The following DERL2 variants were observed in gnomAD, a reference collection of about 807,000 sequenced individuals.
DERL2 encodes derlin-2.
Under a neutral mutation model 32.0 loss-of-function variants are expected in DERL2, and 13 were observed. That is an observed-to-expected ratio of 0.41 (90% CI 0.26 to 0.65). The LOEUF (loss-of-function observed/expected upper bound fraction) is 0.65, where lower values mean the gene tolerates loss of function less well. Among genes scored for constraint, DERL2 ranks in the 30% least tolerant of loss-of-function variants. DERL2 has a pLI of 0.35. For missense variants in DERL2, 208 were observed against 296.3 expected (o/e 0.70, Z 2.19); for synonymous variants, 111 against 104.7 (o/e 1.06, Z -0.37).
At chr17:5,479,496 TAAAAAAAAAAA>T (rs11306765) in intron 6 of DERL2, among the ~76,000 whole-genome samples, 2,609 of 69,474 alleles carry the variant, frequency 0.038, 85 homozygotes, top group African/African-American at 0.1. Flanking sequence ...AGACTCCATG[TAAAAAAAAAAA>T]AAAAAAAAAA....
In DERL2 at chr17:5,471,683, TC is replaced by T. The variant is rs1905133655; in HGVS notation, c.*3000del. 6.6e-6 allele frequency: 1 copy of T among 152,214 alleles called. No individual in the cohort carries two copies. The highest frequency in any genetic ancestry group is 2.1e-4 in the South Asian group (1 of 4,832). The allele number at this position is 152,214 out of a possible 1,614,324, so 9.4% of individuals were successfully genotyped here. ...ATTTCTGAGCAGAGGAGTGACTTGA[TC>T]ATACAAGATTCAACAATTTTATTGC... On this transcript the variant is annotated 3_prime_UTR_variant, in exon 7 of 7. Transcript: ENST00000158771.
chr17:5,480,787 C>T, intron 4 of DERL2: 1 of 461,014 alleles, frequency 2.2e-6, no homozygotes. Flanking sequence ...TCGAGATTTA[C>T]AGCTACTTCA....
At chr17:5,483,567 G>A (rs3026155) in intron 2 of DERL2, among the ~76,000 whole-genome samples, 9,344 of 152,214 alleles carry the variant, frequency 0.061, 397 homozygotes, top group South Asian at 0.18. Flanking sequence ...ATTGTAGAGT[G>A]CTTAACGTTT....
upstream of DERL2, chr17:5,486,361 C>G: frequency 5.9e-6 from 3 of 507,256 alleles, no homozygotes; most frequent in Non-Finnish European, 3.5e-6. Flanking sequence ...CCACCGCCCC[C>G]CCCCAGCGCC....
upstream of DERL2, chr17:5,486,531 G>C: frequency 5.7e-6 from 1 of 176,026 alleles, no homozygotes; most frequent in Non-Finnish European, 1.2e-5. Context: ...GAACGCGAGA[G>C]TATCCCGCGT....
upstream of DERL2, chr17:5,486,205 C>G: frequency 8.2e-7 from 1 of 1,226,762 alleles, no homozygotes; most frequent in Non-Finnish European, 1.1e-6. Flanking sequence ...ACCCCATTTC[C>G]CCTTCCGCCA....
intron 3 of DERL2, 28 bp downstream of exon 3, chr17:5,482,781 G>A: frequency 7.8e-7 from 1 of 1,278,216 alleles, no homozygotes. Flanking sequence ...AAAAAGTTTT[G>A]ATGCTGACCC....
At chr17:5,486,186 C>A (rs535916698), upstream of DERL2, 29 of 1,083,532 alleles carry the variant, frequency 2.7e-5, no homozygotes, top group South Asian at 9.4e-5. Flanking sequence ...CCTGCCCCAC[C>A]CCCCACCCAC....
chr17:5,480,013 G>T, intron 6 of DERL2, 41 bp downstream of exon 6: 1 of 1,274,488 alleles, frequency 7.8e-7, no homozygotes, highest in Non-Finnish European at 1.1e-6. Flanking sequence ...CCCTGTCCTG[G>T]TTTGCCTGTA....
chr17:5,484,555 G>A (rs1906023459), intron 2 of DERL2, among the ~76,000 whole-genome samples: 1 of 152,176 alleles, frequency 6.6e-6, no homozygotes. Flanking sequence ...GCCTCTTTTG[G>A]CATTTTAATC....
At chr17:5,480,187 T>C in intron 5 of DERL2, 43 bp from the exon 6 acceptor site, 3 of 1,415,216 alleles carry the variant, frequency 2.1e-6, no homozygotes, top group Non-Finnish European at 3.0e-6. Context: ...AGAATTAAAA[T>C]TTAGATTGCA....
At position 5,481,107 on chromosome 17, in the gene DERL2, TAA is replaced by T. The variant is rs1220804273; in HGVS notation, c.327+187_327+188del. 1 of 628,814 alleles carries T rather than the reference TAA, an allele frequency of 1.6e-6. No individual in the cohort carries two copies. Among genetic ancestry groups the T allele is most frequent in the African/African-American group, 1.9e-5 (1 of 53,818 alleles). 39.0% of individuals were successfully genotyped at this position (628,814 alleles called of 1,614,324 possible). ...TTGCTTAACAGTAACCCACCTGGGT[TAA>T]AAGTTCCTTTGACTTGCTCATCCTG... On this transcript the variant is annotated intron_variant, in intron 4 of 6. Transcript: ENST00000158771. The surrounding 1 kb of genome is among the most constrained non-coding windows in gnomAD (Gnocchi z 4.4).
chr17:5,480,063 G>T lies in DERL2; in HGVS notation c.605C>A (p.Pro202Gln). 6.3e-7 allele frequency: 1 copy of T among 1,595,488 alleles called. No individual in the cohort carries two copies. The highest frequency in any genetic ancestry group is 8.6e-7 in the Non-Finnish European group (1 of 1,164,600). ...GGTGTTAAATACTCACAAAATAGAT[G>T]GTGTTTTCAGAATTCTTATTCCACC... ...QPGGIRILKTPSILKAIFDTP... is the reference protein window; with the variant it reads ...QPGGIRILKTQSILKAIFDTP... Residue 202 changes from proline (P) to glutamine (Q), a missense_variant, in exon 6 of 7, where the codon CCA becomes CAA. Transcript: ENST00000158771.
chr17:5,486,103 T>C lies in DERL2; in HGVS notation c.59A>G (p.Tyr20Cys). The C allele has an allele frequency of 1.2e-6, 2 of 1,611,788 alleles. No individual in the cohort carries two copies. The highest frequency in any genetic ancestry group is 1.7e-6 in the Non-Finnish European group (2 of 1,179,262). The change falls in exon 1 of 7, where the codon TAC becomes TGC. Residue 20 changes from tyrosine (Y) to cysteine (C), a missense_variant. Tyr to Cys is a radical substitution (Grantham distance 194). This residue lies in a region of DERL2 where 44 missense variants were observed against 42.3 expected (regional missense o/e 1.04). Transcript: ENST00000158771. ...GGTGGTGAGGACGCAGGCAGTGGTG[T>C]AGGCGCGGCTGACCGGTGGGATCTG... is the stretch of plus-strand genomic sequence containing the variant. ...YLQIPPVSRA[Y>C]TTACVLTTAA...
intron 6 of DERL2, among the ~76,000 whole-genome samples, chr17:5,478,486 T>G (rs1353999050): frequency 6.6e-6 from 1 of 152,244 alleles, no homozygotes; most frequent in Non-Finnish European, 1.5e-5. Context: ...ATAAAATGCC[T>G]TCCTTGTTTG....
At position 5,472,152 on chromosome 17, in the gene DERL2, C is replaced by T. The variant is rs1390680292; in HGVS notation, c.*2532G>A. ...CATTTATTTTTAAATGAACGTATAC[C>T]GTATTTCCATAACAAACAAAAAACA... is the stretch of plus-strand genomic sequence containing the variant. On this transcript the variant is annotated 3_prime_UTR_variant, in exon 7 of 7. Transcript: ENST00000158771. 3 of 152,038 alleles carry T rather than the reference C, an allele frequency of 2.0e-5. No individual in the cohort carries two copies. Among genetic ancestry groups the T allele is most frequent in the Non-Finnish European group, 4.4e-5 (3 of 68,008 alleles). The allele number at this position is 152,038 out of a possible 1,614,324, so 9.4% of individuals were successfully genotyped here. A position where few individuals can be genotyped will look rare whatever the true frequency, so the allele number is the denominator to read the frequency against.
intron 4 of DERL2, chr17:5,480,914 T>C (rs1289959228): frequency 4.1e-6 from 2 of 484,326 alleles, no homozygotes; most frequent in African/African-American, 4.0e-5. Context: ...TGAATAAAGC[T>C]AGCTGGAACA....
intron 1 of DERL2, 64 bp downstream of exon 1, chr17:5,486,003 CCA>C (rs1597376494): frequency 4.0e-6 from 6 of 1,486,002 alleles, no homozygotes; most frequent in Middle Eastern, 2.4e-4. Flanking sequence ...GGCCCAAACC[CCA>C]GTTTCCTGAA....
At position 5,483,742 on chromosome 17, in the gene DERL2, T is replaced by C. The variant is rs539851447; in HGVS notation, c.160-860A>G. 3.9e-5 allele frequency among the ~76,000 whole-genome samples: 6 copies of C among 152,332 alleles called. No homozygotes were observed. The East Asian group carries it at 7.7e-4, about 20-fold the overall frequency. On this transcript the variant is annotated intron_variant, in intron 2 of 6. Transcript: ENST00000158771. Reference sequence around the variant, plus strand: ...CCGCAGGAGTAGATGGAAACTCTGATGGCAAATCTAGAACTCCTAACTCCA... The same window carrying C: ...CCGCAGGAGTAGATGGAAACTCTGACGGCAAATCTAGAACTCCTAACTCCA...
Sources: gnomAD v4.1 joint callset for allele counts (sites outside exome capture counted in the v4.1 genomes callset) on GRCh38, gnomAD v4.1.1 for gene constraint, gnomAD v4.1.1 regional missense constraint, Gnocchi (gnomAD v3.1) non-coding constraint, MANE v1.5 for transcripts, NCBI Gene and HGNC (gene_info 2026-07-23, HGNC 2026-07-21) for gene names.